SYNDIG1: variants seen among roughly 807,000 people sequenced by gnomAD.
The protein encoded by SYNDIG1 is synapse differentiation inducing 1.
Under a neutral mutation model 19.4 loss-of-function variants are expected in SYNDIG1, and 9 were observed. That is an observed-to-expected ratio of 0.46 (90% CI 0.28 to 0.81). SYNDIG1 has a LOEUF of 0.81. Ranked by LOEUF, SYNDIG1 falls within the 30% of genes least tolerant of loss-of-function variation. The probability of loss-of-function intolerance (pLI) is 0.12; values close to 1 mark genes in which losing one functional copy is unlikely to be tolerated. For synonymous variants in SYNDIG1, 141 were observed against 145.9 expected (o/e 0.97, Z 0.24); for missense variants, 311 against 343.3 (o/e 0.91, Z 0.74).
At chr20:24,584,350 C>T (rs751416306) in intron 2 of SYNDIG1, among the ~76,000 whole-genome samples, 2 of 152,340 alleles carry the variant, frequency 1.3e-5, no homozygotes, top group East Asian at 1.9e-4. Context: ...TGTCCTTGTC[C>T]GCTAGTGAGA....
At chr20:24,484,922 T>G (rs552513697) in intron 1 of SYNDIG1, among the ~76,000 whole-genome samples, 13 of 152,288 alleles carry the variant, frequency 8.5e-5, no homozygotes, top group South Asian at 4.2e-4. Flanking sequence ...TGGGGGCAGA[T>G]CCCCATGAAT....
intron 3 of SYNDIG1, among the ~76,000 whole-genome samples, chr20:24,655,816 A>G (rs2147383037): frequency 6.6e-6 from 1 of 151,896 alleles, no homozygotes; most frequent in Non-Finnish European, 1.5e-5. Flanking sequence ...TAGCAGAGCT[A>G]TCCATAGTAG....
chr20:24,635,117 C>T (rs1288915300), intron 3 of SYNDIG1, among the ~76,000 whole-genome samples: 1 of 152,202 alleles, frequency 6.6e-6, no homozygotes, highest in Non-Finnish European at 1.5e-5. Context: ...AGCGGGAAGC[C>T]TCCAAGACTT....
intron 1 of SYNDIG1, among the ~76,000 whole-genome samples, chr20:24,524,573 G>C (rs1287064983): frequency 6.6e-6 from 1 of 151,934 alleles, no homozygotes; most frequent in Admixed American, 6.6e-5. Context: ...GTGAACCCGG[G>C]AGGCGGAGCT....
rs372680233 is a variant in SYNDIG1, at chr20:24,618,912, T to G, written c.618+33919T>G. Among the ~76,000 whole-genome samples the G allele has an allele frequency of 5.3e-5, 8 of 152,296 alleles. No individual in the cohort carries two copies. The East Asian group carries it at 9.6e-4, about 18-fold the overall frequency. On this transcript the variant is annotated intron_variant, in intron 3 of 3. Transcript: ENST00000376862. ...GCCAAGAGACCAGGGCATTAGGGCT[T>G]GTATTTCCTTAATTGCAACAACAGC... is the stretch of plus-strand genomic sequence containing the variant.
chr20:24,641,667 G>A (rs1012598309), intron 3 of SYNDIG1, among the ~76,000 whole-genome samples: 8 of 152,140 alleles, frequency 5.3e-5, no homozygotes, highest in East Asian at 1.9e-4. Flanking sequence ...GTTAACATAC[G>A]TGCTAGACTT....
intron 1 of SYNDIG1, among the ~76,000 whole-genome samples, chr20:24,514,643 C>G (rs1243508015): frequency 3.3e-5 from 5 of 152,158 alleles, no homozygotes; most frequent in Non-Finnish European, 7.3e-5. Flanking sequence ...CAGAGACCTA[C>G]AAAGAGACTT....
intron 1 of SYNDIG1, among the ~76,000 whole-genome samples, chr20:24,527,575 G>T (rs1467326908): frequency 1.4e-5 from 2 of 143,256 alleles, no homozygotes; most frequent in African/African-American, 2.6e-5. Context: ...CTCACTTATG[G>T]TGGCATACAG....
At chr20:24,585,053 G>GGGGGC in intron 3 of SYNDIG1, 60 bp downstream of exon 3, 2 of 647,972 alleles carry the variant, frequency 3.1e-6, no homozygotes, top group African/African-American at 1.9e-5. Context: ...GGGGGTGGGG[G>GGGGGC]CGGCAATCCC....
chr20:24,485,789 A>G (rs979078189), intron 1 of SYNDIG1, among the ~76,000 whole-genome samples: 7 of 152,210 alleles, frequency 4.6e-5, no homozygotes, highest in African/African-American at 1.7e-4. Flanking sequence ...CTACTGACTC[A>G]GCAGCTCAGT....
At chr20:24,470,128 A>G (rs1268611539) in intron 1 of SYNDIG1, among the ~76,000 whole-genome samples, 1 of 152,106 alleles carries the variant, frequency 6.6e-6, no homozygotes, top group Non-Finnish European at 1.5e-5. Context: ...CTGAGAGCGT[A>G]GCGGAGCCAG....
chr20:24,578,441 CAAA>C (rs11087470), intron 2 of SYNDIG1, among the ~76,000 whole-genome samples: 4,848 of 118,286 alleles, frequency 0.041, 221 homozygotes, highest in African/African-American at 0.13. Context: ...GACTCTGTAT[CAAA>C]AAAAAAAAAA....
intron 2 of SYNDIG1, among the ~76,000 whole-genome samples, chr20:24,554,464 T>G (rs2057769710): frequency 6.6e-6 from 1 of 152,232 alleles, no homozygotes; most frequent in Non-Finnish European, 1.5e-5. Flanking sequence ...CTCTTATTAT[T>G]TTGAGATATG....
chr20:24,518,354 A>G (rs893892864), intron 1 of SYNDIG1, among the ~76,000 whole-genome samples: 1 of 152,072 alleles, frequency 6.6e-6, no homozygotes, highest in Non-Finnish European at 1.5e-5. Flanking sequence ...TGCAGTCTCT[A>G]CAGGCAGTGG....
intron 1 of SYNDIG1, chr20:24,502,188 T>A (rs2056471409): frequency 6.6e-6 from 1 of 152,364 alleles, no homozygotes; most frequent in Non-Finnish European, 1.5e-5. Context: ...CCCTACCCAG[T>A]GCTTTCTGGA....
intron 3 of SYNDIG1, among the ~76,000 whole-genome samples, chr20:24,623,173 C>T (rs769274740): frequency 4.1e-5 from 4 of 97,410 alleles, no homozygotes; most frequent in Non-Finnish European, 9.0e-5. Flanking sequence ...AGCAAGACTC[C>T]GTCAAAAAAA....
At chr20:24,632,796 G>A (rs944850970) in intron 3 of SYNDIG1, among the ~76,000 whole-genome samples, 7 of 152,220 alleles carry the variant, frequency 4.6e-5, no homozygotes, top group Non-Finnish European at 8.8e-5. Context: ...GGCTTTACAA[G>A]GAAACAAGGG....
chr20:24,491,774 C>T (rs1014710904), intron 1 of SYNDIG1: 1 of 152,216 alleles, frequency 6.6e-6, no homozygotes, highest in African/African-American at 2.4e-5. Flanking sequence ...TGCTTGAAGA[C>T]ATTTCACTAA....
At chr20:24,614,112 A>C (rs1036008974) in intron 3 of SYNDIG1, among the ~76,000 whole-genome samples, 1 of 152,226 alleles carries the variant, frequency 6.6e-6, no homozygotes, top group Non-Finnish European at 1.5e-5. Flanking sequence ...CTCCTGCCTC[A>C]GCCTCCCAAG....
Sources: gnomAD v4.1 joint callset for allele counts (sites outside exome capture counted in the v4.1 genomes callset) on GRCh38, gnomAD v4.1.1 for gene constraint, MANE v1.5 for transcripts, NCBI Gene and HGNC (gene_info 2026-07-23, HGNC 2026-07-21) for gene names.